GLIS3: variants seen among roughly 807,000 people sequenced by gnomAD.
The protein encoded by GLIS3 is zinc finger protein GLIS3.
A neutral mutation model predicts 78.6 loss-of-function variants in GLIS3; 53 were observed. The ratio of observed to expected loss-of-function variants is 0.67; its 90% confidence interval spans 0.54 to 0.85. GLIS3 has a LOEUF of 0.85. GLIS3 is among the 40% of genes least tolerant of loss of function. The pLI, the probability that GLIS3 is intolerant of heterozygous loss-of-function variation, is 0.00. For synonymous variants in GLIS3, 684 were observed against 509.9 expected, an observed-to-expected ratio of 1.34 and a Z score of -4.60; for missense variants, 1,703 against 1,231.1, an observed-to-expected ratio of 1.38 and a Z score of -5.74.
At chr9:4,479,559 G>A in the GLIS3 span, among the ~76,000 whole-genome samples, 1 of 152,110 alleles carries the variant, frequency 6.6e-6, no homozygotes, top group Non-Finnish European at 1.5e-5. Context: ...TCTAAGGAGG[G>A]TCACTCACCC....
At chr9:3,926,666 G>A (rs1180758736) in intron 6 of GLIS3, among the ~76,000 whole-genome samples, 1 of 151,040 alleles carries the variant, frequency 6.6e-6, no homozygotes, top group East Asian at 2.0e-4. Flanking sequence ...CACCCAGGCT[G>A]GAGTGCAGTG....
chr9:4,326,392 C>T (rs80159925), intron 2 of GLIS3, among the ~76,000 whole-genome samples: 4 of 152,106 alleles, frequency 2.6e-5, no homozygotes, highest in Non-Finnish European at 4.4e-5. Context: ...CAAGGAAATG[C>T]GGACACATGC....
intron 8 of GLIS3, among the ~76,000 whole-genome samples, chr9:3,857,688 A>C (rs1588097914): frequency 6.6e-6 from 1 of 152,202 alleles, no homozygotes; most frequent in African/African-American, 2.4e-5. Context: ...CTGAAAGAGA[A>C]TAGTAAGTGA....
At chr9:4,260,866 C>G (rs1825460570) in intron 2 of GLIS3, among the ~76,000 whole-genome samples, 1 of 152,190 alleles carries the variant, frequency 6.6e-6, no homozygotes, top group African/African-American at 2.4e-5. Flanking sequence ...TGTATTACTG[C>G]CTAAGGCTGT....
At chr9:4,417,836 G>A in the GLIS3 span, among the ~76,000 whole-genome samples, 2 of 152,128 alleles carry the variant, frequency 1.3e-5, no homozygotes, top group Non-Finnish European at 2.9e-5. Flanking sequence ...ACTTTAAAGT[G>A]AGTTTTAGGA....
the GLIS3 span, among the ~76,000 whole-genome samples, chr9:4,375,215 A>G: frequency 1.3e-5 from 2 of 152,218 alleles, no homozygotes; most frequent in East Asian, 3.8e-4. Flanking sequence ...TTTGAAGGGA[A>G]GGGGAGTTAC....
the GLIS3 span, among the ~76,000 whole-genome samples, chr9:4,450,360 ATC>A: frequency 6.6e-6 from 1 of 152,226 alleles, no homozygotes; most frequent in African/African-American, 2.4e-5. Context: ...AAAAGACTAA[ATC>A]TACGTTTGAT....
intron 2 of GLIS3, among the ~76,000 whole-genome samples, chr9:4,141,545 G>A (rs369880447): frequency 1.3e-5 from 2 of 152,312 alleles, no homozygotes; most frequent in South Asian, 4.2e-4. Flanking sequence ...CACCTTGGTA[G>A]TGTATCAGGC....
At chr9:4,255,994 C>A (rs180894490) in intron 2 of GLIS3, among the ~76,000 whole-genome samples, 3 of 152,016 alleles carry the variant, frequency 2.0e-5, no homozygotes, top group Admixed American at 6.6e-5. Flanking sequence ...ACCTGTTGCT[C>A]AATTTTGCTG....
rs138921056 is a variant in GLIS3, at chr9:4,272,792, G to A, written c.388+13246C>T. Among the ~76,000 whole-genome samples the A allele has an allele frequency of 2.7e-4, 41 of 152,274 alleles. No homozygotes were observed. In the East Asian group the frequency reaches 7.7e-3, roughly 29 times the overall value. On this transcript the variant is annotated intron_variant, in intron 2 of 10. Coordinates refer to ENST00000381971, the MANE Select transcript of GLIS3 (RefSeq NM_001042413.2). The stretch of plus-strand genomic sequence containing the variant: ...TTGATCGGAAGGCTGTTAAGATTCT[G>A]AATCTAAATGTAATGAAACTTTCCC...
chr9:3,900,974 A>T (rs944682810), intron 6 of GLIS3: 1 of 152,208 alleles, frequency 6.6e-6, no homozygotes, highest in Non-Finnish European at 1.5e-5. Flanking sequence ...TTAACTGATT[A>T]ACCGAACTTG....
At chr9:4,442,023 C>G in the GLIS3 span, among the ~76,000 whole-genome samples, 1 of 152,112 alleles carries the variant, frequency 6.6e-6, no homozygotes, top group Non-Finnish European at 1.5e-5. Flanking sequence ...TTAAGAAGAG[C>G]TGGTATTAGT....
chr9:4,109,453 C>T (rs757056945), intron 4 of GLIS3, among the ~76,000 whole-genome samples: 7 of 152,136 alleles, frequency 4.6e-5, no homozygotes, highest in African/African-American at 7.2e-5. Flanking sequence ...TCTACATTTA[C>T]GTGTTTCCCT....
intron 8 of GLIS3, among the ~76,000 whole-genome samples, chr9:3,859,580 T>C (rs1820037315): frequency 6.6e-6 from 1 of 152,192 alleles, no homozygotes; most frequent in Admixed American, 6.5e-5. Flanking sequence ...TCCCCAATTA[T>C]GTCAGATCAA....
rs191764948 is a variant in GLIS3, at chr9:3,934,140, C to T, written c.1873-1670G>A. 5.9e-5 allele frequency among the ~76,000 whole-genome samples: 9 copies of T among 152,248 alleles called. No individual in the cohort carries two copies. In the East Asian group the frequency reaches 1.4e-3, roughly 23 times the overall value. Reference sequence around the variant, plus strand: ...AAGTCACTTGCCAGTTAGTTTCTACCGAGTAAGCAAAGATTTTCTTTAACC... The same window carrying T: ...AAGTCACTTGCCAGTTAGTTTCTACTGAGTAAGCAAAGATTTTCTTTAACC... On this transcript the variant is annotated intron_variant, in intron 5 of 10. Transcript: ENST00000381971.
chr9:4,048,439 C>T (rs1309229190), intron 4 of GLIS3, among the ~76,000 whole-genome samples: 1 of 151,954 alleles, frequency 6.6e-6, no homozygotes, highest in African/African-American at 2.4e-5. Context: ...ATCATATAGC[C>T]ATGCCATGGC....
intron 4 of GLIS3, among the ~76,000 whole-genome samples, chr9:4,073,722 G>A (rs146433332): frequency 2.9e-3 from 436 of 152,264 alleles, no homozygotes; most frequent in African/African-American, 9.7e-3. Flanking sequence ...TCAAACGCTT[G>A]CTCCCCCAAT....
At chr9:4,432,801 C>T in the GLIS3 span, among the ~76,000 whole-genome samples, 4 of 151,858 alleles carry the variant, frequency 2.6e-5, no homozygotes, top group Admixed American at 6.6e-5. Context: ...CCACCACGCC[C>T]GGCTAATTTT....
At chr9:3,896,066 T>TAACA (rs900831850) in intron 7 of GLIS3, among the ~76,000 whole-genome samples, 29 of 152,248 alleles carry the variant, frequency 1.9e-4, no homozygotes, top group African/African-American at 6.8e-4. Context: ...CAAATTGTCT[T>TAACA]AACACTTCAG....
Sources: gnomAD v4.1 joint callset for allele counts (sites outside exome capture counted in the v4.1 genomes callset) on GRCh38, gnomAD v4.1.1 for gene constraint, MANE v1.5 for transcripts, NCBI Gene and HGNC (gene_info 2026-07-23, HGNC 2026-07-21) for gene names.